MEGF11: variants seen among roughly 807,000 people sequenced by gnomAD.
MEGF11 encodes multiple EGF like domains 11.
In MEGF11, 126 loss-of-function variants were observed where a neutral mutation model predicts 146.6. That is an observed-to-expected ratio of 0.86 (90% CI 0.74 to 1.00). The LOEUF is 1.00. Among genes scored for constraint, MEGF11 ranks in the 50% least tolerant of loss-of-function variants. MEGF11 has a pLI of 0.00. For missense variants in MEGF11, 1,509 were observed against 1,521.2 expected, an observed-to-expected ratio of 0.99 and a Z score of 0.13; for synonymous variants, 532 against 583.4, an observed-to-expected ratio of 0.91 and a Z score of 1.27.
intron 24 of MEGF11, among the ~76,000 whole-genome samples, chr15:65,900,146 G>C (rs754964162): frequency 6.6e-5 from 10 of 152,182 alleles, no homozygotes; most frequent in Non-Finnish European, 1.3e-4. Flanking sequence ...CTAGACACAA[G>C]CACTGAGCTG....
chr15:65,988,276 G>A (rs796149216), intron 5 of MEGF11, among the ~76,000 whole-genome samples: 4 of 152,202 alleles, frequency 2.6e-5, no homozygotes, highest in African/African-American at 9.6e-5. Context: ...CCAAAGTGCT[G>A]GGATTACAGA....
chr15:66,215,812 C>A (rs573197507), intron 1 of MEGF11, among the ~76,000 whole-genome samples: 100 of 152,308 alleles, frequency 6.6e-4, no homozygotes, highest in African/African-American at 2.3e-3. Flanking sequence ...CAGAGGACTG[C>A]ACCCTGAGAG....
At chr15:66,096,931 C>A (rs1054850742) in intron 4 of MEGF11, among the ~76,000 whole-genome samples, 1 of 152,166 alleles carries the variant, frequency 6.6e-6, no homozygotes, top group South Asian at 2.1e-4. Context: ...CACCGCCCCC[C>A]ACACTGCAGA....
At chr15:65,936,905 G>C (rs2079807822) in intron 10 of MEGF11, among the ~76,000 whole-genome samples, 1 of 152,162 alleles carries the variant, frequency 6.6e-6, no homozygotes, top group Non-Finnish European at 1.5e-5. Context: ...CCTCCATGGG[G>C]CTCTTGTGAG....
intron 5 of MEGF11, among the ~76,000 whole-genome samples, chr15:66,057,336 A>G (rs1417820138): frequency 6.6e-6 from 1 of 152,180 alleles, no homozygotes; most frequent in Non-Finnish European, 1.5e-5. Flanking sequence ...GCTGGCTCAG[A>G]GACCCTAAGA....
intron 4 of MEGF11, among the ~76,000 whole-genome samples, chr15:66,101,073 G>C (rs889335975): frequency 6.6e-6 from 1 of 152,132 alleles, no homozygotes; most frequent in Non-Finnish European, 1.5e-5. Context: ...GTGATCCAGC[G>C]AGCAAGGGCA....
At chr15:66,237,980 T>G (rs1207305964) in intron 1 of MEGF11, among the ~76,000 whole-genome samples, 1 of 152,226 alleles carries the variant, frequency 6.6e-6, no homozygotes, top group African/African-American at 2.4e-5. Flanking sequence ...AATAGAGGAT[T>G]GATTCGATGC....
At chr15:65,955,010 C>G (rs1238795481) in intron 10 of MEGF11, among the ~76,000 whole-genome samples, 3 of 152,176 alleles carry the variant, frequency 2.0e-5, no homozygotes, top group African/African-American at 7.2e-5. Flanking sequence ...AACAGTGTTT[C>G]CTGACTTGAT....
At chr15:66,079,547 C>T (rs1466935246) in intron 5 of MEGF11, among the ~76,000 whole-genome samples, 1 of 150,364 alleles carries the variant, frequency 6.7e-6, no homozygotes, top group Non-Finnish European at 1.5e-5. Context: ...ACCCCCCCCC[C>T]CAGCACCCCC....
chr15:65,962,299 G>A (rs1412403921), intron 9 of MEGF11, among the ~76,000 whole-genome samples: 1 of 152,188 alleles, frequency 6.6e-6, no homozygotes, highest in African/African-American at 2.4e-5. Flanking sequence ...AGTTCATTTA[G>A]CCCAGAGGCT....
intron 4 of MEGF11, among the ~76,000 whole-genome samples, chr15:66,096,652 C>G (rs1327281255): frequency 6.6e-6 from 1 of 152,172 alleles, no homozygotes. Context: ...TGACCAGAGA[C>G]AGAGGGTGGA....
At chr15:65,955,793 T>TATACACACAC (rs1555455862) in intron 10 of MEGF11, among the ~76,000 whole-genome samples, 7 of 6,756 alleles carry the variant, frequency 1.0e-3, no homozygotes, top group South Asian at 0.023. Flanking sequence ...TATATATATA[T>TATACACACAC]ACACACACAC....
chr15:65,911,342 T>C (rs192575344), intron 21 of MEGF11, among the ~76,000 whole-genome samples: 1 of 152,386 alleles, frequency 6.6e-6, no homozygotes, highest in African/African-American at 2.4e-5. Flanking sequence ...TAACAGTAGT[T>C]ACTCTATAAT....
chr15:66,224,018 TTCAA>T (rs2091793415), intron 1 of MEGF11, among the ~76,000 whole-genome samples: 1 of 152,024 alleles, frequency 6.6e-6, no homozygotes, highest in African/African-American at 2.4e-5. Flanking sequence ...GGCCTCTTTT[TTCAA>T]TCAGTCATGA....
intron 1 of MEGF11, among the ~76,000 whole-genome samples, chr15:66,225,134 T>C (rs971892928): frequency 5.3e-5 from 8 of 152,218 alleles, no homozygotes; most frequent in Admixed American, 5.2e-4. Context: ...GGCCCTGCCA[T>C]CTGCTCTCCC....
At chr15:65,915,242 C>T (rs983711744) in intron 19 of MEGF11, among the ~76,000 whole-genome samples, 1 of 152,190 alleles carries the variant, frequency 6.6e-6, no homozygotes, top group Non-Finnish European at 1.5e-5. Flanking sequence ...TTGCTTGGCT[C>T]ATGGGAAACT....
intron 1 of MEGF11, among the ~76,000 whole-genome samples, chr15:66,248,842 C>A (rs2092332677): frequency 6.6e-6 from 1 of 152,220 alleles, no homozygotes; most frequent in African/African-American, 2.4e-5. Flanking sequence ...TGCTCCAGAA[C>A]AGACATGTTA....
At chr15:66,112,180 A>C (rs2087461227) in intron 4 of MEGF11, among the ~76,000 whole-genome samples, 1 of 152,152 alleles carries the variant, frequency 6.6e-6, no homozygotes, top group South Asian at 2.1e-4. Context: ...AACTTGAGCT[A>C]ATAGAACTAA....
chr15:65,941,405 T>C (rs974137406), intron 10 of MEGF11, among the ~76,000 whole-genome samples: 6 of 151,096 alleles, frequency 4.0e-5, no homozygotes, highest in Non-Finnish European at 5.9e-5. Context: ...CCAAAATTGC[T>C]CCACTGCACT....
Sources: allele counts gnomAD v4.1 joint callset (sites outside exome capture counted in the v4.1 genomes callset), GRCh38; gene constraint gnomAD v4.1.1; transcripts MANE v1.5; gene names NCBI Gene and HGNC (gene_info 2026-07-23, HGNC 2026-07-21).